Variants in SLC44A5 observed in about 807,000 individuals in gnomAD.
SLC44A5 encodes the protein choline transporter-like protein 5.
SLC44A5 carries 57 observed loss-of-function variants against 101.8 expected under a neutral mutation model. The ratio of observed to expected loss-of-function variants is 0.56; its 90% CI spans 0.45 to 0.70. The LOEUF (loss-of-function observed/expected upper bound fraction) is 0.70, where lower values mean the gene tolerates loss of function less well. Among genes scored for constraint, SLC44A5 ranks in the 30% least tolerant of loss-of-function variants. The probability of loss-of-function intolerance (pLI) is 0.00; values close to 1 mark genes in which losing one functional copy is unlikely to be tolerated. For missense variants in SLC44A5, 737 were observed against 853.1 expected (o/e 0.86, Z 1.70); for synonymous variants, 281 against 290.9 (o/e 0.97, Z 0.35).
At chr1:75,656,720 A>C in the SLC44A5 span, among the ~76,000 whole-genome samples, 1 of 152,180 alleles carries the variant, frequency 6.6e-6, no homozygotes, top group East Asian at 1.9e-4. Flanking sequence ...GCCAGAGAAA[A>C]TCACTTATTT....
At position 75,454,466 on chromosome 1, in the gene SLC44A5, A is replaced by G. The variant is rs1454449394; in HGVS notation, c.14-57845T>C. Among the ~76,000 whole-genome samples, 3 of 152,018 alleles carry G rather than the reference A, an allele frequency of 2.0e-5. No homozygotes were observed. In the East Asian group the frequency reaches 5.8e-4, roughly 29 times the overall value. ...CATACTGAATAGGCAAAAGCTGGAA[A>G]CATTCCCCTTGAGAACTGAAAGAGA... On this transcript the variant is annotated intron_variant, in intron 2 of 23. Coordinates refer to ENST00000370859, the MANE Select transcript of SLC44A5 (RefSeq NM_001130058.2).
the SLC44A5 span, among the ~76,000 whole-genome samples, chr1:75,658,072 A>G: frequency 6.7e-6 from 1 of 148,916 alleles, no homozygotes; most frequent in Non-Finnish European, 1.5e-5. Flanking sequence ...CCACAAACAA[A>G]TCTTATGGTT....
chr1:75,582,413 C>A, intron 1 of SLC44A5: 1 of 720,004 alleles, frequency 1.4e-6, no homozygotes, highest in Non-Finnish European at 2.4e-6. Context: ...GCTTGGGAAG[C>A]ATGATCATGC....
intron 7 of SLC44A5, among the ~76,000 whole-genome samples, chr1:75,250,248 T>A (rs1389825320): frequency 6.6e-6 from 1 of 152,118 alleles, no homozygotes; most frequent in Admixed American, 6.6e-5. Flanking sequence ...TGAGAACACG[T>A]GGCATTTGGT....
rs1015415018 is a variant in SLC44A5 at position 75,325,214 on chromosome 1, C to T, written c.101+14368G>A. Among the ~76,000 whole-genome samples the T allele has an allele frequency of 2.0e-5, 3 of 152,118 alleles. 1 individual carries two copies. The South Asian group carries it at 6.2e-4, about 32-fold the overall frequency. On this transcript the variant is annotated intron_variant, in intron 4 of 23. Transcript: ENST00000370859. Reference sequence around the variant, plus strand: ...AGGGAACATGTGGACTTGACCTTCACATGTGAGTAAAAGACAGAAGAGGGC... The same window carrying T: ...AGGGAACATGTGGACTTGACCTTCATATGTGAGTAAAAGACAGAAGAGGGC...
At chr1:75,482,415 TATA>T (rs1667923717) in intron 2 of SLC44A5, among the ~76,000 whole-genome samples, 1 of 151,750 alleles carries the variant, frequency 6.6e-6, no homozygotes, top group South Asian at 2.1e-4. Flanking sequence ...AAACTTAAAG[TATA>T]ATAATAATAA....
chr1:75,454,303 A>G (rs1666067306), intron 2 of SLC44A5, among the ~76,000 whole-genome samples: 1 of 152,088 alleles, frequency 6.6e-6, no homozygotes. Flanking sequence ...AAAATAACAT[A>G]TGGTCATCTC....
the SLC44A5 span, among the ~76,000 whole-genome samples, chr1:75,706,540 T>C: frequency 6.6e-6 from 1 of 152,170 alleles, no homozygotes; most frequent in South Asian, 2.1e-4. Context: ...TTACCTAGTG[T>C]GATTGTAAAT....
chr1:75,236,003 G>A (rs1648045987), intron 11 of SLC44A5, among the ~76,000 whole-genome samples: 1 of 152,026 alleles, frequency 6.6e-6, no homozygotes, highest in Non-Finnish European at 1.5e-5. Context: ...ATAAGAAGAA[G>A]TAAGTAATTA....
chr1:75,230,894 G>A (rs540886299), intron 12 of SLC44A5, among the ~76,000 whole-genome samples: 4 of 152,286 alleles, frequency 2.6e-5, no homozygotes, highest in African/African-American at 9.6e-5. Context: ...AGGATTATAG[G>A]AGTGAGCCAC....
chr1:75,591,837 T>TA (rs5775298), intron 1 of SLC44A5, among the ~76,000 whole-genome samples: 139,986 of 149,344 alleles, frequency 0.94, 65,633 homozygotes, highest in East Asian at 0.97. Flanking sequence ...CCTTTCATGA[T>TA]AAAAAAAAAA....
intron 2 of SLC44A5, among the ~76,000 whole-genome samples, chr1:75,405,218 G>T (rs998401419): frequency 6.6e-6 from 1 of 152,142 alleles, no homozygotes; most frequent in African/African-American, 2.4e-5. Context: ...AGTTCTTAGA[G>T]ACCTACAAAG....
rs779916778 is a variant in SLC44A5, at chr1:75,211,478, G to A, written c.2037C>T (p.Phe679=). ...ATACTGAATACTCACAGAAGCAGAT[G>A]AAAATTGTTTCAACACACATTGCAT... ...SVYAMCVETI[F]ICFLEDLERN... The change falls in exon 23 of 24, where the codon TTC becomes TTT. Residue 679 remains phenylalanine (F), a synonymous_variant. Transcript: ENST00000370859. 1 of 1,611,812 alleles carries A rather than the reference G, an allele frequency of 6.2e-7. No individual in the cohort carries two copies. Among genetic ancestry groups the A allele is most frequent in the East Asian group, 2.2e-5 (1 of 44,708 alleles).
intron 22 of SLC44A5, 29 bp from the exon 23 acceptor site, chr1:75,211,581 A>T (rs751400894): frequency 6.3e-5 from 93 of 1,477,240 alleles, no homozygotes; most frequent in Non-Finnish European, 8.1e-5. Context: ...GAGAACCAAC[A>T]TGTCATTTAC....
intron 12 of SLC44A5, among the ~76,000 whole-genome samples, chr1:75,228,099 CT>C (rs1301146369): frequency 6.6e-6 from 1 of 152,082 alleles, no homozygotes; most frequent in Non-Finnish European, 1.5e-5. Context: ...TTTAAATGTC[CT>C]TTTGACTAGA....
chr1:75,218,779 A>G, intron 16 of SLC44A5, 27 bp from the exon 17 acceptor site: 1 of 1,589,230 alleles, frequency 6.3e-7, no homozygotes, highest in South Asian at 1.1e-5. Context: ...GAACACAAGG[A>G]CATAATATTA....
chr1:75,550,221 T>C (rs1231093995), intron 1 of SLC44A5, among the ~76,000 whole-genome samples: 1 of 152,090 alleles, frequency 6.6e-6, no homozygotes, highest in Non-Finnish European at 1.5e-5. Context: ...TAATGAAATA[T>C]TATTTGGCCA....
chr1:75,671,437 A>G, the SLC44A5 span, among the ~76,000 whole-genome samples: 4 of 140,010 alleles, frequency 2.9e-5, no homozygotes, highest in Non-Finnish European at 4.8e-5. Context: ...GGAGTTAGAG[A>G]AGCAGAGAGA....
At chr1:75,578,979 C>A (rs1161902718) in intron 1 of SLC44A5, among the ~76,000 whole-genome samples, 1 of 151,984 alleles carries the variant, frequency 6.6e-6, no homozygotes, top group African/African-American at 2.4e-5. Flanking sequence ...CATAATCTAC[C>A]ATATGTACTA....
Sources: allele counts gnomAD v4.1 joint callset (sites outside exome capture counted in the v4.1 genomes callset), GRCh38; gene constraint gnomAD v4.1.1; transcripts MANE v1.5; gene names NCBI Gene and HGNC (gene_info 2026-07-23, HGNC 2026-07-21).